The following TRIM3 variants were observed in gnomAD, a reference collection of about 807,000 sequenced individuals.
The protein encoded by TRIM3 is tripartite motif containing 3.
A neutral mutation model predicts 66.6 loss-of-function variants in TRIM3; 13 were observed. That is an observed-to-expected ratio of 0.20 (90% confidence interval 0.13 to 0.31). The LOEUF (loss-of-function observed/expected upper bound fraction) is 0.31, where lower values mean the gene tolerates loss of function less well. TRIM3 is among the 10% of genes least tolerant of loss of function. TRIM3 has a pLI of 1.00. For missense variants in TRIM3, 711 were observed against 1,020.4 expected, an observed-to-expected ratio of 0.70 and a Z score of 4.13; for synonymous variants, 406 against 411.7, an observed-to-expected ratio of 0.99 and a Z score of 0.17.
Position 6,450,636 on chromosome 11 carries a change from T to G in TRIM3, c.1871-15A>C. ...AAAATGGGGCCCTGAAAATACAAAGTGGTCTTCAGGGCAGTAAGCTGGGAT... is the reference window on the plus strand; with the variant it reads ...AAAATGGGGCCCTGAAAATACAAAGGGGTCTTCAGGGCAGTAAGCTGGGAT... On this transcript the variant is annotated splice_polypyrimidine_tract_variant and intron_variant, in intron 9 of 11. Coordinates refer to ENST00000345851, the MANE Select transcript of TRIM3 (RefSeq NM_033278.4). This position sits in a 1 kb window ranked among gnomAD's most constrained non-coding sequence, Gnocchi z 4.8. 6.2e-7 allele frequency: 1 copy of G among 1,613,334 alleles called. No homozygotes were observed. The highest frequency in any genetic ancestry group is 1.1e-5 in the South Asian group (1 of 91,070).
chr11:6,451,243 G>T (rs1460543296), intron 8 of TRIM3, 28 bp downstream of exon 8: 1 of 1,613,578 alleles, frequency 6.2e-7, no homozygotes. Context: ...GGACACCAGG[G>T]TAAGTAAAGT....
chr11:6,454,146 A>C (rs1238022109), intron 7 of TRIM3, among the ~76,000 whole-genome samples: 1 of 152,198 alleles, frequency 6.6e-6, no homozygotes, highest in Non-Finnish European at 1.5e-5. Flanking sequence ...TCAGAGGCCA[A>C]GGCAGGAGGA....
Position 6,448,655 on chromosome 11 carries a change from C to T in TRIM3, c.*373G>A. On this transcript the variant is annotated 3_prime_UTR_variant, in exon 12 of 12. Coordinates refer to ENST00000345851, the MANE Select transcript of TRIM3 (RefSeq NM_033278.4). ...ATTTAATATGGGGGGTGGGGTATTG[C>T]TGTCTCTGTCAGTGTGTATAGGGTG... 1 of 478,754 alleles carries T rather than the reference C, an allele frequency of 2.1e-6. No individual in the cohort carries two copies. Among genetic ancestry groups the T allele is most frequent in the Admixed American group, 3.7e-5 (1 of 27,226 alleles). The allele number at this position is 478,754 out of a possible 1,614,324, so 29.7% of individuals were successfully genotyped here.
At chr11:6,461,657 G>A (rs143625444) in intron 2 of TRIM3, among the ~76,000 whole-genome samples, 2 of 152,114 alleles carry the variant, frequency 1.3e-5, no homozygotes, top group East Asian at 3.9e-4. Flanking sequence ...TTCTTCAGCA[G>A]CTTTCTTCCA....
In TRIM3 at chr11:6,457,891, C is replaced by A. The variant is rs2555167; in HGVS notation, c.364-44G>T. The A allele has an allele frequency of 6.2e-7, 1 of 1,608,702 alleles. No homozygotes were observed. The highest frequency in any genetic ancestry group is 8.5e-7 in the Non-Finnish European group (1 of 1,176,174). ...AGTCGGGTAATGGCTAGACATCACA[C>A]TTCTTTGTCCCCTCCCCACCTGCCC... On this transcript the variant is annotated intron_variant, in intron 3 of 11. Coordinates refer to ENST00000345851, the MANE Select transcript of TRIM3 (RefSeq NM_033278.4). This position sits in a 1 kb window ranked among gnomAD's most constrained non-coding sequence, Gnocchi z 4.5.
At chr11:6,455,244 G>C (rs1849912489) in intron 7 of TRIM3, among the ~76,000 whole-genome samples, 1 of 141,658 alleles carries the variant, frequency 7.1e-6, no homozygotes, top group African/African-American at 3.0e-5. Context: ...AACCCTATCA[G>C]ATATACTTTT....
intron 1 of TRIM3, among the ~76,000 whole-genome samples, chr11:6,470,444 T>C (rs1196849157): frequency 6.6e-6 from 1 of 152,198 alleles, no homozygotes; most frequent in East Asian, 1.9e-4. Flanking sequence ...TACTCTGTTG[T>C]CCAGGCTGGA....
chr11:6,467,720 G>A (rs1425933379), intron 1 of TRIM3, among the ~76,000 whole-genome samples: 2 of 152,064 alleles, frequency 1.3e-5, no homozygotes, highest in Non-Finnish European at 2.9e-5. Flanking sequence ...AGCCATAATC[G>A]TGCCACTGCA....
At position 6,456,092 on chromosome 11, in the gene TRIM3, T is replaced by C. The variant is rs1412299524; in HGVS notation, c.1513A>G (p.Ser505Gly). 17 of 1,614,236 alleles carry C rather than the reference T, an allele frequency of 1.1e-5. No individual in the cohort carries two copies. The highest frequency in any genetic ancestry group is 1.4e-5 in the Non-Finnish European group (17 of 1,180,036). The change falls in exon 7 of 12, where the codon AGC becomes GGC. Residue 505 changes from serine (S) to glycine (G), a missense_variant. By Grantham distance (56) the Ser-to-Gly change is moderately conservative. Coordinates refer to ENST00000345851, the MANE Select transcript of TRIM3 (RefSeq NM_033278.4). This position sits in a 1 kb window ranked among gnomAD's most constrained non-coding sequence, Gnocchi z 6.4. ...CTTACCTGAATACACTGGTTGTTGC[T>C]GTCTGCTACCACGATGCGGCCGCTG... ...ASSGRIVVAD[S>G]NNQCIQVFSN... is the part of the protein sequence containing the mutation.
Position 6,451,289 on chromosome 11 carries a change from G to A in TRIM3, c.1683C>T (p.Ser561=). The part of the protein sequence containing the change: ...DYDNRWVSIF[S]PEGKFKTKIG... ...CTCTCACCTTGAACTTGCCCTCAGG[G>A]GAGAAGATGCTGACCCAACGGTTGT... Residue 561 remains serine (S), a synonymous_variant, in exon 8 of 12, where the codon TCC becomes TCT. Transcript: ENST00000345851. 1.9e-6 allele frequency: 3 copies of A among 1,614,128 alleles called. No individual in the cohort carries two copies. The highest frequency in any genetic ancestry group is 3.3e-5 in the Admixed American group (2 of 60,030).
chr11:6,453,235 T>G (rs1022805993), intron 7 of TRIM3: 1 of 152,216 alleles, frequency 6.6e-6, no homozygotes, highest in Non-Finnish European at 1.5e-5. Context: ...GAATGCCGCA[T>G]AGCTATCTCA....
In TRIM3 at chr11:6,456,338, C is replaced by T; in HGVS notation, c.1388G>A (p.Arg463Gln). The T allele has an allele frequency of 1.3e-6, 2 of 1,542,226 alleles. No individual in the cohort carries two copies. The highest frequency in any genetic ancestry group is 1.8e-4 in the Middle Eastern group (1 of 5,692). The change falls in exon 6 of 12, where the codon CGA becomes CAA. Residue 463 changes from arginine to glutamine, a missense_variant. Arg to Gln is a conservative substitution (Grantham distance 43). Transcript: ENST00000345851. This position sits in a 1 kb window ranked among gnomAD's most constrained non-coding sequence, Gnocchi z 6.4. ...CTCATCCTCAATTGGGTTGTCCTTT[C>T]GTTTGCCGCCTGTGCTGTACATGGA... is the stretch of plus-strand genomic sequence containing the variant. ...PSSMYSTGGKRKDNPIEDELV... is the reference protein window; with the variant it reads ...PSSMYSTGGKQKDNPIEDELV...
At position 6,451,457 on chromosome 11, in the gene TRIM3, G is replaced by A. The variant is rs556776193; in HGVS notation, c.1534-19C>T. On this transcript the variant is annotated intron_variant, in intron 7 of 11. Coordinates refer to ENST00000345851, the MANE Select transcript of TRIM3 (RefSeq NM_033278.4). ...AGAAAACCTGGAGCAGAGGAGCAAG[G>A]GGAGGGAGCAGGTAGGAGGGGAGAC... 1.2e-6 allele frequency: 2 copies of A among 1,613,296 alleles called. No individual in the cohort carries two copies. The highest frequency in any genetic ancestry group is 1.1e-5 in the South Asian group (1 of 90,996).
intron 2 of TRIM3, among the ~76,000 whole-genome samples, chr11:6,463,779 A>C (rs1850337070): frequency 6.6e-6 from 1 of 152,184 alleles, no homozygotes; most frequent in Non-Finnish European, 1.5e-5. Context: ...AGGGAGTGTT[A>C]CTGAGGTGGA....
At position 6,456,464 on chromosome 11, in the gene TRIM3, G is replaced by A; in HGVS notation, c.1262C>T (p.Pro421Leu). Residue 421 changes from proline to leucine, a missense_variant, in exon 6 of 12, where the codon CCG (proline) becomes CTG (leucine). Pro to Leu is a moderately conservative substitution (Grantham distance 98). Coordinates refer to ENST00000345851, the MANE Select transcript of TRIM3 (RefSeq NM_033278.4). The surrounding 1 kb of genome is among the most constrained non-coding windows in gnomAD (Gnocchi z 6.4). ...GTCCGGGGAAGGTGGCAGGTCCCCC[G>A]GACGCAGGGCACGCACGCGGAAGGG... ...GSPFRVRALR[P>L]GDLPPSPDDV... The A allele has an allele frequency of 2.6e-6, 4 of 1,541,820 alleles. No homozygotes were observed. Among genetic ancestry groups the A allele is most frequent in the Non-Finnish European group, 3.5e-6 (4 of 1,141,362 alleles).
chr11:6,451,223 C>T (rs778458675), intron 8 of TRIM3, 48 bp downstream of exon 8: 2 of 1,610,188 alleles, frequency 1.2e-6, no homozygotes, highest in South Asian at 1.1e-5. Context: ...CTAGACTGGT[C>T]AGTTCAGCTG....
intron 7 of TRIM3, among the ~76,000 whole-genome samples, chr11:6,454,262 G>C (rs910965046): frequency 2.0e-5 from 3 of 151,984 alleles, no homozygotes; most frequent in African/African-American, 7.2e-5. Context: ...ATAGTGGCAT[G>C]CGCCTGTAGT....
intron 8 of TRIM3, 94 bp downstream of exon 8, chr11:6,451,177 G>T: frequency 6.3e-7 from 1 of 1,583,772 alleles, no homozygotes; most frequent in Non-Finnish European, 8.6e-7. Flanking sequence ...GAGGAGGTAG[G>T]ATTGGATCAG....
chr11:6,463,945 G>A (rs2040008784), intron 2 of TRIM3, among the ~76,000 whole-genome samples: 1 of 152,176 alleles, frequency 6.6e-6, no homozygotes. Flanking sequence ...CAAAGAGCAG[G>A]GCTGGCAGGG....
Sources: gnomAD v4.1 joint callset for allele counts (sites outside exome capture counted in the v4.1 genomes callset) on GRCh38, gnomAD v4.1.1 for gene constraint, Gnocchi (gnomAD v3.1) non-coding constraint, MANE v1.5 for transcripts, NCBI Gene and HGNC (gene_info 2026-07-23, HGNC 2026-07-21) for gene names.